HAUS3: variants seen among roughly 807,000 people sequenced by gnomAD.
HAUS3 encodes the protein HAUS augmin-like complex subunit 3.
Under a neutral mutation model 55.2 loss-of-function variants are expected in HAUS3, and 36 were observed. That is an observed-to-expected ratio of 0.65 (90% CI 0.50 to 0.86). HAUS3 has a LOEUF of 0.86. HAUS3 is among the 40% of genes least tolerant of loss of function. The pLI is 0.00. For missense variants in HAUS3, 752 were observed against 671.5 expected, an observed-to-expected ratio of 1.12 and a Z score of -1.33; for synonymous variants, 234 against 238.6, an observed-to-expected ratio of 0.98 and a Z score of 0.18.
intron 4 of HAUS3, 65 bp from the exon 5 acceptor site, chr4:2,236,521 A>AT: frequency 8.8e-7 from 1 of 1,140,284 alleles, no homozygotes. Flanking sequence ...CAAAATTACA[A>AT]TCCACTGTAT....
At position 2,231,896 on chromosome 4, in the gene HAUS3, C is replaced by T. The variant is rs768466557; in HGVS notation, c.*31G>A. On this transcript the variant is annotated 3_prime_UTR_variant, in exon 6 of 6. Coordinates refer to ENST00000443786, the MANE Select transcript of HAUS3 (RefSeq NM_001303143.2). ...CAGTCTTCTAATAAATAAAAGAGGA[C>T]ACGTAATAAAGATTCAGTTTTCAGT... The T allele has an allele frequency of 3.3e-6, 3 of 910,786 alleles. No homozygotes were observed. The highest frequency in any genetic ancestry group is 5.2e-6 in the Non-Finnish European group (3 of 579,212). The allele number at this position is 910,786 out of a possible 1,614,324, so 56.4% of individuals were successfully genotyped here.
rs1408927482 is a variant in HAUS3, at chr4:2,236,344, G to A, written c.1462C>T (p.Gln488Ter). ...LKQNISLVQD[Q>*]LAVSAQEHSF... ...TGTTCTTGAGCAGATACTGCCAACT[G>A]ATCTTGTACTAAAGAAATATTCTGT... The change falls in exon 5 of 6, where the codon CAG becomes TAG. Residue 488 changes from glutamine (Q) to a stop codon, truncating the protein, a stop_gained. Coordinates refer to ENST00000443786, the MANE Select transcript of HAUS3 (RefSeq NM_001303143.2). LOFTEE classifies it high-confidence loss of function. 1 of 1,612,642 alleles carries A rather than the reference G, an allele frequency of 6.2e-7. No individual in the cohort carries two copies. The highest frequency in any genetic ancestry group is 1.7e-5 in the Admixed American group (1 of 60,010).
chr4:2,238,703 A>C lies in HAUS3; in HGVS notation c.1250T>G (p.Met417Arg), dbSNP rs565736517. ...NLVQELSQSN[M>R]MLYKQLEMLT... ...CATTTCTAATTGCTTGTAGAGCATC[A>C]TGTTACTTTGACTAAGTTCTTGAAC... is the stretch of plus-strand genomic sequence containing the variant. The change falls in exon 4 of 6, where the codon ATG becomes AGG. Residue 417 changes from methionine (M) to arginine (R), a missense_variant. Transcript: ENST00000443786. 2.4e-5 allele frequency: 39 copies of C among 1,613,100 alleles called. No individual in the cohort carries two copies. Among genetic ancestry groups the C allele is most frequent in the Non-Finnish European group, 3.2e-5 (38 of 1,179,280 alleles).
rs3762940 is a variant in HAUS3, at chr4:2,231,639, G to T, written c.*288C>A. The T allele has an allele frequency of 0.23, 42,337 of 186,984 alleles. 7,980 individuals carry two copies. The highest frequency in any genetic ancestry group is 0.54 in the African/African-American group (22,687 of 42,374). 11.6% of individuals were successfully genotyped at this position (186,984 alleles called of 1,614,324 possible). ...GCAGAAAATTTCTATTTCTAAAAAG[G>T]AGAGAGATAACTATATTAAAAAATA... On this transcript the variant is annotated 3_prime_UTR_variant, in exon 6 of 6. Coordinates refer to ENST00000443786, the MANE Select transcript of HAUS3 (RefSeq NM_001303143.2).
At chr4:2,237,097 T>G (rs1390154880) in intron 4 of HAUS3, among the ~76,000 whole-genome samples, 2 of 151,984 alleles carry the variant, frequency 1.3e-5, no homozygotes, top group Admixed American at 6.6e-5. Context: ...TACTTCAAAG[T>G]GCACTTCAGA....
intron 5 of HAUS3, among the ~76,000 whole-genome samples, chr4:2,235,078 G>T (rs185894218): frequency 6.6e-6 from 1 of 152,286 alleles, no homozygotes; most frequent in East Asian, 1.9e-4. Flanking sequence ...TAGAGATGGG[G>T]TTTCACCACC....
chr4:2,228,659 C>A lies in HAUS3; in HGVS notation c.*3268G>T. On this transcript the variant is annotated 3_prime_UTR_variant, in exon 6 of 6. Transcript: ENST00000443786. ...CCCCACTGCTTTTACTATTATACCA[C>A]ATCATAAATCCATATACACTGATCC... is the stretch of plus-strand genomic sequence containing the variant. 1 of 174,100 alleles carries A rather than the reference C, an allele frequency of 5.7e-6. No homozygotes were observed. The highest frequency in any genetic ancestry group is 1.1e-4 in the South Asian group (1 of 9,172). The allele number at this position is 174,100 out of a possible 1,614,324, so 10.8% of individuals were successfully genotyped here. A position where few individuals can be genotyped will look rare whatever the true frequency, so the allele number is the denominator to read the frequency against.
At chr4:2,236,961 T>C (rs568865593) in intron 4 of HAUS3, among the ~76,000 whole-genome samples, 1 of 151,552 alleles carries the variant, frequency 6.6e-6, no homozygotes, top group Non-Finnish European at 1.5e-5. Flanking sequence ...ACTGTAATAC[T>C]ATTTCAGTAC....
Position 2,240,483 on chromosome 4 carries a change from A to G in HAUS3, c.464T>C (p.Leu155Pro). The change falls in exon 3 of 6, where the codon CTA (leucine) becomes CCA (proline). Residue 155 changes from leucine to proline, a missense_variant. Leu to Pro is a moderately conservative substitution (Grantham distance 98, BLOSUM62 -3). Coordinates refer to ENST00000443786, the MANE Select transcript of HAUS3 (RefSeq NM_001303143.2). ...ACTGATCTTAGTGATCATTGCATTT[A>G]GAATTCCTTGACTCTGCTTCAGCTT... ...TKKLKQSQGILNAMITKISNE... is the reference protein window; with the variant it reads ...TKKLKQSQGIPNAMITKISNE... 6.2e-7 allele frequency: 1 copy of G among 1,613,884 alleles called. No homozygotes were observed.
chr4:2,241,623 C>T lies in HAUS3; in HGVS notation c.-251G>A. The T allele has an allele frequency of 1.0e-6, 1 of 985,482 alleles. No homozygotes were observed. The allele number at this position is 985,482 out of a possible 1,614,324, so 61.0% of individuals were successfully genotyped here. ...CGCGCGGCCACAATTAAGGGTGCTT[C>T]GGGCCGGCCTTCAGCCAGCGCTGAG... On this transcript the variant is annotated 5_prime_UTR_variant, in exon 2 of 6. Coordinates refer to ENST00000443786, the MANE Select transcript of HAUS3 (RefSeq NM_001303143.2).
chr4:2,241,988 G>A (rs1051277341), intron 1 of HAUS3, 63 bp downstream of exon 1: 39 of 985,438 alleles, frequency 4.0e-5, no homozygotes, highest in East Asian at 1.1e-4. Context: ...GTGCAGACGG[G>A]GATCGCGGCC....
intron 3 of HAUS3, 31 bp downstream of exon 3, chr4:2,240,007 A>C: frequency 6.5e-7 from 1 of 1,541,744 alleles, no homozygotes; most frequent in Middle Eastern, 1.7e-4. Flanking sequence ...AATAATTACA[A>C]TGTGAATCCA....
At chr4:2,239,469 T>C (rs569684958) in intron 3 of HAUS3, among the ~76,000 whole-genome samples, 14 of 152,212 alleles carry the variant, frequency 9.2e-5, no homozygotes, top group Non-Finnish European at 1.5e-4. Flanking sequence ...TTGTCAGCTA[T>C]AGAAACTAAC....
chr4:2,232,160 C>T lies in HAUS3; in HGVS notation c.1579G>A (p.Glu527Lys). 7.3e-7 allele frequency: 1 copy of T among 1,378,174 alleles called. No homozygotes were observed. The highest frequency in any genetic ancestry group is 9.9e-7 in the Non-Finnish European group (1 of 1,012,052). The allele number at this position is 1,378,174 out of a possible 1,614,324, so 85.4% of individuals were successfully genotyped here. Residue 527 changes from glutamate to lysine, a missense_variant and splice_region_variant, in exon 6 of 6, where the codon GAG (glutamate) becomes AAG (lysine). By Grantham distance (56) the Glu-to-Lys change is moderately conservative. Coordinates refer to ENST00000443786, the MANE Select transcript of HAUS3 (RefSeq NM_001303143.2). ...ACTTTATGAAACTGCTCTGTTAACT[C>T]CTAAAAAAGGAAAATAAAAATAAAA... The part of the protein sequence containing the change: ...GGNQLLLSDQ[E>K]LTEQFHKVES...
At position 2,238,632 on chromosome 4, in the gene HAUS3, T is replaced by C. The variant is rs1400728444; in HGVS notation, c.1321A>G (p.Ile441Val). Reference protein sequence around the residue: ...VSQQINPRNTIDTKDYSTHRL... With the variant: ...VSQQINPRNTVDTKDYSTHRL... ...TGAGTAGAATAATCCTTAGTATCAATGGTATTCCTTGGATTTATCTGTTGA... is the reference window on the plus strand; with the variant it reads ...TGAGTAGAATAATCCTTAGTATCAACGGTATTCCTTGGATTTATCTGTTGA... The change falls in exon 4 of 6, where the codon ATT becomes GTT. Residue 441 changes from isoleucine (I) to valine (V), a missense_variant. Transcript: ENST00000443786. 6.2e-7 allele frequency: 1 copy of C among 1,606,030 alleles called. No individual in the cohort carries two copies. Among genetic ancestry groups the C allele is most frequent in the Non-Finnish European group, 8.5e-7 (1 of 1,173,712 alleles).
At position 2,240,788 on chromosome 4, in the gene HAUS3, C is replaced by T. The variant is rs2108781656; in HGVS notation, c.159G>A (p.Leu53=). 2 of 1,613,922 alleles carry T rather than the reference C, an allele frequency of 1.2e-6. No individual in the cohort carries two copies. Among genetic ancestry groups the T allele is most frequent in the Non-Finnish European group, 1.7e-6 (2 of 1,179,984 alleles). The part of the protein sequence containing the change: ...FCGNVNEQNV[L]SERELEAFSI... ...TAAAAGCTTCCAATTCTCTTTCAGA[C>T]AACACGTTCTGTTCATTCACATTCC... Residue 53 remains leucine, a synonymous_variant, in exon 3 of 6, where the codon TTG becomes TTA. Coordinates refer to ENST00000443786, the MANE Select transcript of HAUS3 (RefSeq NM_001303143.2).
rs536355396 is a variant in HAUS3 at position 2,229,543 on chromosome 4, G to A, written c.*2384C>T. Reference sequence around the variant, plus strand: ...AAAAATGTTATTAAATCTTCAAATAGGCTGAGCGCGGAAGCTCATGCCTGT... The same window carrying A: ...AAAAATGTTATTAAATCTTCAAATAAGCTGAGCGCGGAAGCTCATGCCTGT... On this transcript the variant is annotated 3_prime_UTR_variant, in exon 6 of 6. Transcript: ENST00000443786. The A allele has an allele frequency of 5.3e-6, 1 of 187,776 alleles. No individual in the cohort carries two copies. Among genetic ancestry groups the A allele is most frequent in the Admixed American group, 6.1e-5 (1 of 16,272 alleles). 11.6% of individuals were successfully genotyped at this position (187,776 alleles called of 1,614,324 possible).
chr4:2,231,907 G>T lies in HAUS3; in HGVS notation c.*20C>A. On this transcript the variant is annotated 3_prime_UTR_variant, in exon 6 of 6. Transcript: ENST00000443786. ...TAAATAAAAGAGGACACGTAATAAAGATTCAGTTTTCAGTAATTTTCAATC... is the reference window on the plus strand; with the variant it reads ...TAAATAAAAGAGGACACGTAATAAATATTCAGTTTTCAGTAATTTTCAATC... 2 of 1,003,922 alleles carry T rather than the reference G, an allele frequency of 2.0e-6. No individual in the cohort carries two copies. Among genetic ancestry groups the T allele is most frequent in the South Asian group, 2.9e-5 (2 of 68,430 alleles). The allele number at this position is 1,003,922 out of a possible 1,614,324, so 62.2% of individuals were successfully genotyped here.
rs1461931294 is a variant in HAUS3, at chr4:2,231,415, T to C, written c.*512A>G. The stretch of plus-strand genomic sequence containing the variant: ...GAGATTGAGACCATCCTGGCCAACA[T>C]GGTGAAACCCCTTTTCTACTAAAAT... On this transcript the variant is annotated 3_prime_UTR_variant, in exon 6 of 6. Coordinates refer to ENST00000443786, the MANE Select transcript of HAUS3 (RefSeq NM_001303143.2). 6.5e-6 allele frequency: 1 copy of C among 152,798 alleles called. No individual in the cohort carries two copies. Among genetic ancestry groups the C allele is most frequent in the African/African-American group, 2.4e-5 (1 of 41,462 alleles). The allele number at this position is 152,798 out of a possible 1,614,324, so 9.5% of individuals were successfully genotyped here. A position where few individuals can be genotyped will look rare whatever the true frequency, so the allele number is the denominator to read the frequency against.
Sources: gnomAD v4.1 joint callset for allele counts (sites outside exome capture counted in the v4.1 genomes callset) on GRCh38, gnomAD v4.1.1 for gene constraint, MANE v1.5 for transcripts, NCBI Gene and HGNC (gene_info 2026-07-23, HGNC 2026-07-21) for gene names.